The following DPH1 variants were observed in gnomAD, a reference collection of about 807,000 sequenced individuals.
DPH1 encodes 2-(3-amino-3-carboxypropyl)histidine synthase subunit 1.
DPH1 carries 59 observed loss-of-function variants against 55.3 expected under a neutral mutation model. The ratio of observed to expected loss-of-function variants is 1.07; its 90% CI spans 0.87 to 1.33. The LOEUF (loss-of-function observed/expected upper bound fraction) is 1.33. Among genes scored for constraint, DPH1 ranks in the 40% most tolerant of loss-of-function variants. The pLI is 0.00. For synonymous variants in DPH1, 238 were observed against 235.5 expected (o/e 1.01, Z -0.10); for missense variants, 628 against 584.8 (o/e 1.07, Z -0.76).
At chr17:2,041,971 C>G (rs538011854) in intron 12 of DPH1, 96 bp downstream of exon 12, 6 of 1,497,090 alleles carry the variant, frequency 4.0e-6, no homozygotes, top group African/African-American at 1.4e-5. Flanking sequence ...TGCTGACGTT[C>G]GGTTCCGCCC....
chr17:2,040,091 C>T, intron 7 of DPH1, 127 bp from the exon 8 acceptor site: 1 of 1,354,368 alleles, frequency 7.4e-7, no homozygotes, highest in Admixed American at 2.0e-5. Flanking sequence ...CCCGCTCTTG[C>T]CTCTGTTCTT....
rs892715601 is a variant in DPH1, at chr17:2,041,797, G to A, written c.1257G>A (p.Ser419=). The part of the protein sequence containing the change: ...KVQEGSARPP[S]AVACEDCSCR... ...AGGAGGGGTCCGCGCGTCCCCCTTC[G>A]GCCGTGGCTTGCGAGGACTGCAGCT... The change falls in exon 12 of 13, where the codon TCG becomes TCA. Residue 419 remains serine, a synonymous_variant. Coordinates refer to ENST00000263083, the MANE Select transcript of DPH1 (RefSeq NM_001383.6). 3.7e-6 allele frequency: 6 copies of A among 1,606,950 alleles called. No individual in the cohort carries two copies. In the African/African-American group the frequency reaches 6.7e-5, roughly 18 times the overall value.
rs1180999642 is a variant in DPH1 at position 2,036,542 on chromosome 17, C to T, written c.414C>T (p.Thr138=). Residue 138 remains threonine, a synonymous_variant, in exon 5 of 13, where the codon ACC becomes ACT. Coordinates refer to ENST00000263083, the MANE Select transcript of DPH1 (RefSeq NM_001383.6). The surrounding 1 kb of genome is among the most constrained non-coding windows in gnomAD (Gnocchi z 4.8). ...TCCCTCCCACAGTTCCCATGGACAC[C>T]TCGGCCCAAGACTTCCGGGTGCTGT... ...YGHSCLIPMD[T]SAQDFRVLYV... 5 of 1,613,946 alleles carry T rather than the reference C, an allele frequency of 3.1e-6. No homozygotes were observed. The highest frequency in any genetic ancestry group is 3.4e-6 in the Non-Finnish European group (4 of 1,179,982).
At position 2,042,715 on chromosome 17, in the gene DPH1, CTG is replaced by C. The variant is rs772927302; in HGVS notation, c.*130_*131del. ...CGTCTGCAGGGGCCTGGAGGAATCA[CTG>C]GGGATGGTGGCACAGGCACTGAACA... On this transcript the variant is annotated 3_prime_UTR_variant, in exon 13 of 13. Transcript: ENST00000263083. 9.0e-6 allele frequency: 14 copies of C among 1,558,636 alleles called. No individual in the cohort carries two copies. In the African/African-American group the frequency reaches 1.8e-4, roughly 20 times the overall value.
At chr17:2,039,885 GTCC>G (rs1318289170) in intron 7 of DPH1, 62 bp downstream of exon 7, 1 of 1,608,018 alleles carries the variant, frequency 6.2e-7, no homozygotes, top group Non-Finnish European at 8.5e-7. Context: ...TGCCACTGAG[GTCC>G]TCAATTGGTT....
At chr17:2,039,874 C>T (rs750090966) in intron 7 of DPH1, 51 bp downstream of exon 7, 2 of 1,611,952 alleles carry the variant, frequency 1.2e-6, no homozygotes, top group South Asian at 1.1e-5. Context: ...GTGAGATTCC[C>T]TGCCACTGAG....
At chr17:2,042,106 G>A (rs2067543904) in intron 12 of DPH1, 4 of 1,568,910 alleles carry the variant, frequency 2.5e-6, no homozygotes, top group Non-Finnish European at 2.6e-6. Context: ...CAGAGCGAGC[G>A]GGGCTTCCGT....
intron 1 of DPH1, 135 bp downstream of exon 1, chr17:2,030,365 C>G: frequency 3.7e-6 from 4 of 1,087,708 alleles, no homozygotes; most frequent in Non-Finnish European, 5.1e-6. Flanking sequence ...CCTTGGGCCG[C>G]TGTCACCAGC....
chr17:2,042,652 C>G lies in DPH1; in HGVS notation c.*66C>G. 1 of 1,524,338 alleles carries G rather than the reference C, an allele frequency of 6.6e-7. No homozygotes were observed. The highest frequency in any genetic ancestry group is 2.3e-5 in the East Asian group (1 of 44,252). 94.4% of individuals were successfully genotyped at this position (1,524,338 alleles called of 1,614,324 possible). On this transcript the variant is annotated 3_prime_UTR_variant, in exon 13 of 13. Coordinates refer to ENST00000263083, the MANE Select transcript of DPH1 (RefSeq NM_001383.6). Reference sequence around the variant, plus strand: ...GCCTCGAGGCTGGTGGTTTTCAGAGCAGGAGGCCGACGTTTTCTCCGCATT... The same window carrying G: ...GCCTCGAGGCTGGTGGTTTTCAGAGGAGGAGGCCGACGTTTTCTCCGCATT...
intron 12 of DPH1, 40 bp from the exon 13 acceptor site, chr17:2,042,565 C>T (rs1372144098): frequency 2.7e-6 from 4 of 1,498,204 alleles, no homozygotes; most frequent in Non-Finnish European, 3.6e-6. Flanking sequence ...CTGGAGCCTC[C>T]CATGCCCTAA....
chr17:2,042,399 C>T, intron 12 of DPH1: 3 of 1,260,868 alleles, frequency 2.4e-6, no homozygotes, highest in South Asian at 3.7e-5. Context: ...TGCAGCCTGT[C>T]CTCCCAGGCT....
At position 2,036,398 on chromosome 17, in the gene DPH1, C is replaced by G; in HGVS notation, c.401-131C>G. ...AGCTTCTAGGGGATCTGTGACCCCCCTCTTCTCCTACCCTGTCCTTTTACC... is the reference window on the plus strand; with the variant it reads ...AGCTTCTAGGGGATCTGTGACCCCCGTCTTCTCCTACCCTGTCCTTTTACC... On this transcript the variant is annotated intron_variant, in intron 4 of 12. Transcript: ENST00000263083. The surrounding 1 kb of genome is among the most constrained non-coding windows in gnomAD (Gnocchi z 4.8). 2 of 1,254,922 alleles carry G rather than the reference C, an allele frequency of 1.6e-6. No homozygotes were observed. The allele number at this position is 1,254,922 out of a possible 1,614,324, so 77.7% of individuals were successfully genotyped here.
chr17:2,031,251 C>T (rs1009089796), intron 1 of DPH1, among the ~76,000 whole-genome samples: 4 of 151,756 alleles, frequency 2.6e-5, no homozygotes, highest in Non-Finnish European at 5.9e-5. Context: ...ACCCTGTATG[C>T]ACAAAAAAAT....
At chr17:2,032,888 G>C (rs957790484) in intron 1 of DPH1, among the ~76,000 whole-genome samples, 1 of 152,116 alleles carries the variant, frequency 6.6e-6, no homozygotes, top group Admixed American at 6.6e-5. Context: ...CCTGCCACCA[G>C]GCCCGGCTAA....
At chr17:2,039,666 C>A in intron 6 of DPH1, 89 bp from the exon 7 acceptor site, 2 of 1,542,218 alleles carry the variant, frequency 1.3e-6, no homozygotes, top group East Asian at 2.3e-5. Context: ...CGTGAGCCAC[C>A]GCGCCCGGCC....
intron 7 of DPH1, 85 bp downstream of exon 7, chr17:2,039,908 T>C (rs990267293): frequency 2.5e-6 from 4 of 1,584,278 alleles, no homozygotes; most frequent in Non-Finnish European, 2.6e-6. Context: ...TGCATCCCCA[T>C]TTCCTGGCCA....
In DPH1 at chr17:2,033,571, A is replaced by C; in HGVS notation, c.128A>C (p.Gln43Pro). 1 of 1,614,224 alleles carries C rather than the reference A, an allele frequency of 6.2e-7. No homozygotes were observed. Among genetic ancestry groups the C allele is most frequent in the South Asian group, 1.1e-5 (1 of 91,080 alleles). Residue 43 changes from glutamine (Q) to proline (P), a missense_variant, in exon 2 of 13, where the codon CAG becomes CCG. Coordinates refer to ENST00000263083, the MANE Select transcript of DPH1 (RefSeq NM_001383.6). ...PPEILKNPQL[Q>P]AAIRVLPSNY... is the part of the protein sequence containing the mutation. The stretch of plus-strand genomic sequence containing the variant: ...GAGATCCTGAAGAACCCTCAGCTGC[A>C]GGCAGCAATCCGGGTCCTGCCTTCC...
rs2067435146 is a variant in DPH1, at chr17:2,036,860, A to C, written c.584A>C (p.Glu195Ala). Reference sequence around the variant, plus strand: ...GCAGCCGCCCAGGAGCTGAAAGCCGAGTATCGTGTGAGTGTCCCACAGTGC... The same window carrying C: ...GCAGCCGCCCAGGAGCTGAAAGCCGCGTATCGTGTGAGTGTCCCACAGTGC... ...LQAAAQELKA[E>A]YRVSVPQCKP... is the part of the protein sequence containing the mutation. Residue 195 changes from glutamate (E) to alanine (A), a missense_variant, in exon 6 of 13, where the codon GAG becomes GCG. Physicochemically the swap from Glu to Ala is moderately radical, Grantham distance 107 (BLOSUM62 -1). Coordinates refer to ENST00000263083, the MANE Select transcript of DPH1 (RefSeq NM_001383.6). The surrounding 1 kb of genome is among the most constrained non-coding windows in gnomAD (Gnocchi z 4.8). 1.9e-6 allele frequency: 3 copies of C among 1,613,600 alleles called. No individual in the cohort carries two copies. The highest frequency in any genetic ancestry group is 2.5e-6 in the Non-Finnish European group (3 of 1,179,948).
chr17:2,035,956 C>G lies in DPH1; in HGVS notation c.279-14C>G, dbSNP rs767846048. ...GTGTCCCTGTCCCACCGTTCCCCGC[C>G]CCTGTGCCCGCAGGTTCACGGAGGC... On this transcript the variant is annotated splice_polypyrimidine_tract_variant and intron_variant, in intron 3 of 12. Transcript: ENST00000263083. 1 of 1,613,710 alleles carries G rather than the reference C, an allele frequency of 6.2e-7. No homozygotes were observed. Among genetic ancestry groups the G allele is most frequent in the Non-Finnish European group, 8.5e-7 (1 of 1,179,830 alleles).
Sources: allele counts gnomAD v4.1 joint callset (sites outside exome capture counted in the v4.1 genomes callset), GRCh38; gene constraint gnomAD v4.1.1; non-coding constraint Gnocchi (gnomAD v3.1); transcripts MANE v1.5; gene names NCBI Gene and HGNC (gene_info 2026-07-23, HGNC 2026-07-21).